DNAH12: variants seen among roughly 807,000 people sequenced by gnomAD.
DNAH12 encodes axonemal beta dynein heavy chain 12.
In DNAH12, 285 loss-of-function variants were observed where a neutral mutation model predicts 371.5. That is an observed-to-expected ratio of 0.77 (90% CI 0.70 to 0.85). The LOEUF (loss-of-function observed/expected upper bound fraction) is 0.85. Ranked by LOEUF, DNAH12 falls within the 40% of genes least tolerant of loss-of-function variation. The pLI is 0.00. For synonymous variants in DNAH12, 1,200 were observed against 1,213.0 expected (o/e 0.99, Z 0.22); for missense variants, 3,611 against 3,689.4 (o/e 0.98, Z 0.55).
chr3:57,299,243 G>A (rs1301973702), intron 70 of DNAH12, among the ~76,000 whole-genome samples: 2 of 152,140 alleles, frequency 1.3e-5, no homozygotes, highest in Non-Finnish European at 2.9e-5. Context: ...TAGTGTCTGT[G>A]GTCAGCTACT....
chr3:57,396,298 A>C (rs1357096319), intron 43 of DNAH12, among the ~76,000 whole-genome samples: 3 of 134,058 alleles, frequency 2.2e-5, no homozygotes, highest in Admixed American at 7.2e-5. Flanking sequence ...AACAAAAAAA[A>C]AAAAAAAAAA....
chr3:57,402,271 A>G, intron 43 of DNAH12: 2 of 667,560 alleles, frequency 3.0e-6, no homozygotes, highest in Non-Finnish European at 4.4e-6. Flanking sequence ...ATTGTTTGTG[A>G]AAGGTCAGTG....
At chr3:57,501,550 A>G (rs1490976950) in intron 10 of DNAH12, 138 bp from the exon 11 acceptor site, 4 of 586,330 alleles carry the variant, frequency 6.8e-6, no homozygotes, top group Non-Finnish European at 1.1e-5. Context: ...ATGATTTACT[A>G]TATTTTAAGA....
chr3:57,353,750 C>T (rs1415930975), intron 59 of DNAH12, among the ~76,000 whole-genome samples: 1 of 152,066 alleles, frequency 6.6e-6, no homozygotes, highest in Non-Finnish European at 1.5e-5. Flanking sequence ...AAGACATACA[C>T]ATGGCCAAAA....
chr3:57,438,896 C>A (rs1289927221), intron 29 of DNAH12, among the ~76,000 whole-genome samples: 14 of 119,480 alleles, frequency 1.2e-4, no homozygotes, highest in Admixed American at 2.9e-4. Context: ...GTCTGGGCAA[C>A]AGAGTGAAAC....
chr3:57,511,785 C>T (rs1208706088), intron 4 of DNAH12, among the ~76,000 whole-genome samples: 17 of 152,056 alleles, frequency 1.1e-4, no homozygotes, highest in Admixed American at 1.1e-3. Context: ...GAAAATTTAG[C>T]ATATGATAAA....
chr3:57,331,214 A>T (rs1385342841), intron 62 of DNAH12, among the ~76,000 whole-genome samples: 3 of 152,238 alleles, frequency 2.0e-5, no homozygotes, highest in African/African-American at 7.2e-5. Flanking sequence ...ACAGGCTTCC[A>T]AACACGGCAG....
chr3:57,390,424 A>AAAAAAAAAAAATATATATATATAT, intron 45 of DNAH12, among the ~76,000 whole-genome samples: 7 of 33,438 alleles, frequency 2.1e-4, no homozygotes, highest in South Asian at 2.7e-3. Context: ...AAAAAAAAAA[A>AAAAAAAAAAAATATATATATATAT]ATATATATAT....
chr3:57,338,564 GA>G (rs1559566959), intron 60 of DNAH12, among the ~76,000 whole-genome samples: 1 of 149,354 alleles, frequency 6.7e-6, no homozygotes, highest in African/African-American at 2.5e-5. Flanking sequence ...CCTCATCTAG[GA>G]AGTGAGGAGC....
intron 40 of DNAH12, 95 bp downstream of exon 40, chr3:57,408,185 C>G: frequency 1.5e-6 from 2 of 1,333,458 alleles, no homozygotes; most frequent in Non-Finnish European, 2.0e-6. Context: ...TCTCTGACAC[C>G]AAAGACCAAA....
At chr3:57,477,648 G>A (rs1575657387) in intron 13 of DNAH12, among the ~76,000 whole-genome samples, 1 of 152,282 alleles carries the variant, frequency 6.6e-6, no homozygotes, top group East Asian at 1.9e-4. Flanking sequence ...CCTGACCCCC[G>A]AGTAGCCTAA....
chr3:57,478,884 T>C (rs1413058278), intron 13 of DNAH12, among the ~76,000 whole-genome samples: 1 of 152,152 alleles, frequency 6.6e-6, no homozygotes, highest in African/African-American at 2.4e-5. Context: ...TGAGAGATTT[T>C]GTCACCACCA....
chr3:57,471,247 C>CAGG (rs1243918031), intron 15 of DNAH12, among the ~76,000 whole-genome samples: 5 of 151,238 alleles, frequency 3.3e-5, no homozygotes. Flanking sequence ...CCCAGCTACT[C>CAGG]AGGAGGCTGA....
At position 57,413,772 on chromosome 3, in the gene DNAH12, T is replaced by C. The variant is rs1553683748; in HGVS notation, c.5994A>G (p.Leu1998=). Residue 1998 remains leucine (L), a synonymous_variant, in exon 39 of 74, where the codon TTA becomes TTG. Transcript: ENST00000495027. ...AATGTCCACAGTCAAAAAACTGTCG[T>C]AATAATTCAATAGGTGGTTGAGCTC... ...KYGAQPPIEL[L]RQFFDCGHWY... 1.9e-6 allele frequency: 3 copies of C among 1,550,860 alleles called. No homozygotes were observed. Among genetic ancestry groups the C allele is most frequent in the African/African-American group, 1.4e-5 (1 of 73,032 alleles).
In DNAH12 at chr3:57,421,680, CCAAAT is replaced by C. The variant is rs1450486337; in HGVS notation, c.5395_5399del (p.Ile1799ValfsTer7). ...CTGTATCACAACTTCCTCCAATCGA[CCAAAT>C]CAAAGAGAATATAAAGCAAGCCTGT... On this transcript the variant is annotated frameshift_variant, in exon 36 of 74. Transcript: ENST00000495027. LOFTEE classifies it high-confidence loss of function. The C allele has an allele frequency of 6.4e-7, 1 of 1,551,378 alleles. No individual in the cohort carries two copies. The highest frequency in any genetic ancestry group is 1.4e-5 in the African/African-American group (1 of 72,952).
intron 13 of DNAH12, among the ~76,000 whole-genome samples, chr3:57,474,365 C>T (rs549310818): frequency 3.3e-5 from 5 of 152,166 alleles, no homozygotes; most frequent in South Asian, 2.1e-4. Flanking sequence ...GGTGCAATTT[C>T]GGCTCACTGC....
chr3:57,356,574 T>C (rs2062806713), intron 59 of DNAH12, among the ~76,000 whole-genome samples: 1 of 151,632 alleles, frequency 6.6e-6, no homozygotes, highest in Non-Finnish European at 1.5e-5. Flanking sequence ...CTAGGAAAAA[T>C]AAATCATGTG....
chr3:57,354,355 T>G (rs1461534044), intron 59 of DNAH12, among the ~76,000 whole-genome samples: 1 of 151,712 alleles, frequency 6.6e-6, no homozygotes, highest in Non-Finnish European at 1.5e-5. Flanking sequence ...AGGTGGAGAG[T>G]AGGAGGACGG....
chr3:57,459,300 A>C (rs2065987241), intron 20 of DNAH12, among the ~76,000 whole-genome samples: 2 of 152,088 alleles, frequency 1.3e-5, no homozygotes, highest in Non-Finnish European at 2.9e-5. Context: ...TGATTTATCT[A>C]TTTATTTTAT....
Sources: allele counts gnomAD v4.1 joint callset (sites outside exome capture counted in the v4.1 genomes callset), GRCh38; gene constraint gnomAD v4.1.1; transcripts MANE v1.5; gene names NCBI Gene and HGNC (gene_info 2026-07-23, HGNC 2026-07-21).